Variants in HECW2 observed in about 807,000 individuals in gnomAD.
HECW2 encodes HECT, C2 and WW domain containing E3 ubiquitin protein ligase 2.
Under a neutral mutation model 175.2 loss-of-function variants are expected in HECW2, and 61 were observed. The ratio of observed to expected loss-of-function variants is 0.35; its 90% CI spans 0.28 to 0.43. The LOEUF is 0.43. Among genes scored for constraint, HECW2 ranks in the 20% least tolerant of loss-of-function variants. The pLI is 1.00. For missense variants in HECW2, 1,524 were observed against 2,000.5 expected (o/e 0.76, Z 4.54); for synonymous variants, 671 against 731.0 (o/e 0.92, Z 1.32).
At chr2:196,203,448 A>AG (rs1419483891) in intron 28 of HECW2, among the ~76,000 whole-genome samples, 1 of 152,190 alleles carries the variant, frequency 6.6e-6, no homozygotes, top group Non-Finnish European at 1.5e-5. Context: ...TTCCAGGGGT[A>AG]GGGGAGGAAG....
intron 21 of HECW2, among the ~76,000 whole-genome samples, chr2:196,230,693 C>T (rs1688020058): frequency 6.6e-6 from 1 of 152,196 alleles, no homozygotes; most frequent in South Asian, 2.1e-4. Flanking sequence ...TTGGAGCAAC[C>T]ACTTTACTTT....
chr2:196,529,601 A>G (rs1024126055), intron 1 of HECW2, among the ~76,000 whole-genome samples: 14 of 152,250 alleles, frequency 9.2e-5, no homozygotes, highest in African/African-American at 3.4e-4. Flanking sequence ...ATAGATGGCC[A>G]GGGCCTTAGG....
At position 196,196,443 on chromosome 2, in the gene HECW2, A is replaced by T. The variant is rs1686691516; in HGVS notation, c.*4834T>A. ...ACATTCTCATCAAACTCACGGCAGT[A>T]AGATGGAAGTAAAATGGCTAAGGTC... On this transcript the variant is annotated 3_prime_UTR_variant, in exon 29 of 29. Coordinates refer to ENST00000644978, the MANE Select transcript of HECW2 (RefSeq NM_001348768.2). The T allele has an allele frequency of 6.6e-6, 1 of 152,206 alleles. No individual in the cohort carries two copies. Among genetic ancestry groups the T allele is most frequent in the Admixed American group, 6.5e-5 (1 of 15,278 alleles). 9.4% of individuals were successfully genotyped at this position (152,206 alleles called of 1,614,324 possible).
intron 2 of HECW2, among the ~76,000 whole-genome samples, chr2:196,393,667 A>G (rs1233633160): frequency 1.3e-5 from 2 of 152,226 alleles, no homozygotes; most frequent in Admixed American, 6.5e-5. Flanking sequence ...GGTGCTGGAG[A>G]GGATGTGGAG....
intron 1 of HECW2, among the ~76,000 whole-genome samples, chr2:196,586,003 G>T (rs1690961953): frequency 6.6e-6 from 1 of 152,074 alleles, no homozygotes; most frequent in African/African-American, 2.4e-5. Flanking sequence ...GGTCCCTCCT[G>T]CCATGGTTCT....
intron 2 of HECW2, among the ~76,000 whole-genome samples, chr2:196,394,121 G>A (rs1694592209): frequency 6.6e-6 from 1 of 151,502 alleles, no homozygotes. Flanking sequence ...CACAGGGTGG[G>A]GAACATCCCA....
At chr2:196,272,960 G>T (rs1265131422) in intron 16 of HECW2, among the ~76,000 whole-genome samples, 1 of 150,734 alleles carries the variant, frequency 6.6e-6, no homozygotes, top group East Asian at 1.9e-4. Context: ...AAGCTTCTTA[G>T]GTCATGGGCA....
At chr2:196,354,001 G>A (rs1693267371) in intron 2 of HECW2, among the ~76,000 whole-genome samples, 1 of 152,272 alleles carries the variant, frequency 6.6e-6, no homozygotes, top group Non-Finnish European at 1.5e-5. Context: ...CTTCTTGGAT[G>A]TGGGGCAAGA....
intron 2 of HECW2, among the ~76,000 whole-genome samples, chr2:196,375,892 G>A (rs1008917599): frequency 3.3e-5 from 5 of 152,202 alleles, no homozygotes; most frequent in South Asian, 4.1e-4. Context: ...TGATGAACAC[G>A]TTCTTGAAGC....
chr2:196,230,236 T>C (rs1315813818), intron 21 of HECW2, among the ~76,000 whole-genome samples: 1 of 152,214 alleles, frequency 6.6e-6, no homozygotes, highest in Non-Finnish European at 1.5e-5. Flanking sequence ...TGTCCCTCCT[T>C]ATGCTGTGAC....
intron 10 of HECW2, among the ~76,000 whole-genome samples, chr2:196,311,307 G>T (rs1343152829): frequency 6.6e-6 from 1 of 152,198 alleles, no homozygotes; most frequent in African/African-American, 2.4e-5. Context: ...CAGGTCTTCA[G>T]AATCAGACTA....
chr2:196,583,722 C>A (rs1441032754), intron 1 of HECW2, among the ~76,000 whole-genome samples: 1 of 152,216 alleles, frequency 6.6e-6, no homozygotes, highest in Non-Finnish European at 1.5e-5. Context: ...TAAATAACAA[C>A]CCTTCATAAT....
At chr2:196,547,344 C>T (rs1174355975) in intron 1 of HECW2, among the ~76,000 whole-genome samples, 1 of 152,144 alleles carries the variant, frequency 6.6e-6, no homozygotes, top group Non-Finnish European at 1.5e-5. Flanking sequence ...TTCTGGCTGT[C>T]CAAGGCCAAC....
chr2:196,312,990 A>G (rs905736675), intron 10 of HECW2, among the ~76,000 whole-genome samples: 1 of 152,154 alleles, frequency 6.6e-6, no homozygotes, highest in African/African-American at 2.4e-5. Context: ...ATGTTCCCCC[A>G]TAGTTTGAAC....
intron 1 of HECW2, among the ~76,000 whole-genome samples, chr2:196,560,201 A>AATGGC (rs1330102245): frequency 6.6e-6 from 1 of 152,154 alleles, no homozygotes; most frequent in African/African-American, 2.4e-5. Flanking sequence ...GTTGGAGTGC[A>AATGGC]ATGGCGCGAT....
At chr2:196,214,111 T>C (rs1199442923) in intron 28 of HECW2, among the ~76,000 whole-genome samples, 1 of 152,176 alleles carries the variant, frequency 6.6e-6, no homozygotes, top group Non-Finnish European at 1.5e-5. Context: ...ATTAAGTATT[T>C]TTCATGAATG....
At chr2:196,337,014 A>ACAT (rs138568605) in intron 3 of HECW2, among the ~76,000 whole-genome samples, 33,125 of 151,930 alleles carry the variant, frequency 0.22, 4,179 homozygotes, top group African/African-American at 0.35. Flanking sequence ...CTTCAGCAGG[A>ACAT]CATCAGTGAA....
chr2:196,353,909 T>C (rs1285211679), intron 2 of HECW2, among the ~76,000 whole-genome samples: 1 of 152,134 alleles, frequency 6.6e-6, no homozygotes, highest in Non-Finnish European at 1.5e-5. Flanking sequence ...TACTTTCCTG[T>C]CCCCTCTCCA....
Position 196,244,724 on chromosome 2 carries a change from G to A in HECW2, c.3530-2520C>T, listed in dbSNP as rs1293422963. 2.6e-5 allele frequency among the ~76,000 whole-genome samples: 4 copies of A among 152,322 alleles called. No individual in the cohort carries two copies. In the East Asian group the frequency reaches 5.8e-4, roughly 22 times the overall value. On this transcript the variant is annotated intron_variant, in intron 19 of 28. Coordinates refer to ENST00000644978, the MANE Select transcript of HECW2 (RefSeq NM_001348768.2). ...GAAGGAGAATTTATATCCTAAAGTG[G>A]AACACAGCAGCAACAGCTGGCATGA...
Sources: gnomAD v4.1 joint callset for allele counts (sites outside exome capture counted in the v4.1 genomes callset) on GRCh38, gnomAD v4.1.1 for gene constraint, MANE v1.5 for transcripts, NCBI Gene and HGNC (gene_info 2026-07-23, HGNC 2026-07-21) for gene names.